Variants in ZNF639 observed in about 807,000 individuals in gnomAD.
The protein encoded by ZNF639 is zinc finger protein 639.
ZNF639 carries 20 observed loss-of-function variants against 39.8 expected under a neutral mutation model. The ratio of observed to expected loss-of-function variants is 0.50; its 90% CI spans 0.35 to 0.73. ZNF639 has a LOEUF of 0.73. ZNF639 is among the 30% of genes least tolerant of loss of function. ZNF639 has a pLI of 0.00. For missense variants in ZNF639, 477 were observed against 566.2 expected (o/e 0.84, Z 1.60); for synonymous variants, 176 against 189.8 (o/e 0.93, Z 0.60).
upstream of ZNF639, chr3:179,322,899 CGCGGGCCGCTGGGCCTCCCCCGGGGCT>C (rs1259110553): frequency 1.5e-5 from 15 of 985,020 alleles, no homozygotes; most frequent in African/African-American, 1.7e-5. Context: ...CGGCAGGGGG[CGCGGGCCGCTGGGCCTCCCCCGGGGCT>C]GCGGGCCGGT....
At position 179,337,410 on chromosome 3, in the gene ZNF639, C is replaced by G. The variant is rs1258959319; in HGVS notation, c.*2988C>G. On this transcript the variant is annotated 3_prime_UTR_variant, in exon 6 of 6. Transcript: ENST00000496856. ...GGAGTGTAGTGGCGTGATCTTGGCT[C>G]AAGGCAACCTCCACCTCTCAGGTGT... The G allele has an allele frequency of 6.6e-5, 10 of 151,060 alleles. No homozygotes were observed. The highest frequency in any genetic ancestry group is 4.6e-4 in the Admixed American group (7 of 15,186). 9.4% of individuals were successfully genotyped at this position (151,060 alleles called of 1,614,324 possible).
rs539872307 is a variant in ZNF639 at position 179,334,980 on chromosome 3, A to G, written c.*558A>G. 1 of 152,342 alleles carries G rather than the reference A, an allele frequency of 6.6e-6. No individual in the cohort carries two copies. Among genetic ancestry groups the G allele is most frequent in the Non-Finnish European group, 1.5e-5 (1 of 68,040 alleles). 9.4% of individuals were successfully genotyped at this position (152,342 alleles called of 1,614,324 possible). A position where few individuals can be genotyped will look rare whatever the true frequency, so the allele number is the denominator to read the frequency against. On this transcript the variant is annotated 3_prime_UTR_variant, in exon 6 of 6. Coordinates refer to ENST00000496856, the MANE Select transcript of ZNF639 (RefSeq NM_001303426.2). ...GCCACTATCTATTGTTGAATATTTT[A>G]AGATGGGATGAGGGAGGAACTAATA... is the stretch of plus-strand genomic sequence containing the variant.
At chr3:179,326,123 G>T (rs1204509181) in intron 1 of ZNF639, among the ~76,000 whole-genome samples, 1 of 152,114 alleles carries the variant, frequency 6.6e-6, no homozygotes, top group Non-Finnish European at 1.5e-5. Flanking sequence ...TTGAGGTCAG[G>T]AGTTCAAGAC....
rs1728037090 is a variant in ZNF639, at chr3:179,333,472, G to A, written c.508G>A (p.Glu170Lys). The A allele has an allele frequency of 6.2e-7, 1 of 1,614,110 alleles. No homozygotes were observed. The highest frequency in any genetic ancestry group is 2.2e-5 in the East Asian group (1 of 44,880). ...GAGTCTCCAAGACCAAACTGATGAA[G>A]AACCGCCAGCTAAACTTTGTAAAAT... ...SESLQDQTDE[E>K]PPAKLCKILD... Residue 170 changes from glutamate to lysine, a missense_variant, in exon 6 of 6, where the codon GAA becomes AAA. Glu to Lys is a moderately conservative substitution (Grantham distance 56, BLOSUM62 1). Transcript: ENST00000496856.
chr3:179,333,402 G>A lies in ZNF639; in HGVS notation c.438G>A (p.Ala146=), dbSNP rs150781110. Residue 146 remains alanine (A), a synonymous_variant, in exon 6 of 6, where the codon GCG becomes GCA. Transcript: ENST00000496856. The part of the protein sequence containing the change: ...EDVPIAVEVH[A]ISEDYDIETE... ...TTCCAATTGCTGTAGAAGTGCATGC[G>A]ATTTCTGAGGATTATGATATAGAGA... 3.5e-5 allele frequency: 57 copies of A among 1,614,046 alleles called. 1 individual carries two copies. The African/African-American group carries it at 6.8e-4, about 19-fold the overall frequency.
Position 179,334,428 on chromosome 3 carries a change from C to A in ZNF639, c.*6C>A. ...CAGTCCATGAGACAACTTGATTATTCTCTTTAACTTACAGAATGTTAGTTT... is the reference window on the plus strand; with the variant it reads ...CAGTCCATGAGACAACTTGATTATTATCTTTAACTTACAGAATGTTAGTTT... On this transcript the variant is annotated 3_prime_UTR_variant, in exon 6 of 6. Coordinates refer to ENST00000496856, the MANE Select transcript of ZNF639 (RefSeq NM_001303426.2). 6.6e-7 allele frequency: 1 copy of A among 1,505,682 alleles called. No individual in the cohort carries two copies. Among genetic ancestry groups the A allele is most frequent in the South Asian group, 1.4e-5 (1 of 71,446 alleles). The allele number at this position is 1,505,682 out of a possible 1,614,324, so 93.3% of individuals were successfully genotyped here. A position where few individuals can be genotyped will look rare whatever the true frequency, so the allele number is the denominator to read the frequency against.
chr3:179,326,881 C>T (rs985051465), intron 1 of ZNF639, among the ~76,000 whole-genome samples: 1 of 151,800 alleles, frequency 6.6e-6, no homozygotes, highest in African/African-American at 2.4e-5. Context: ...TCTATAAGGG[C>T]TGTAACAGTT....
intron 4 of ZNF639, 181 bp downstream of exon 4, chr3:179,329,909 CTTTT>C: frequency 3.9e-4 from 80 of 206,846 alleles, no homozygotes; most frequent in Non-Finnish European, 5.0e-4. Flanking sequence ...TTTAACTATT[CTTTT>C]TTTTTTTTTT....
At chr3:179,327,501 T>C (rs76224523) in intron 1 of ZNF639, 60 bp from the exon 2 acceptor site, 1 of 152,236 alleles carries the variant, frequency 6.6e-6, no homozygotes, top group Non-Finnish European at 1.5e-5. Flanking sequence ...CATTGTATTA[T>C]TCAGTACCAG....
intron 1 of ZNF639, 30 bp from the exon 2 acceptor site, chr3:179,327,531 T>C (rs1560179022): frequency 6.6e-6 from 1 of 152,254 alleles, no homozygotes; most frequent in Non-Finnish European, 1.5e-5. Flanking sequence ...GTATTTTTGC[T>C]TAATAACTTC....
intron 4 of ZNF639, 70 bp from the exon 5 acceptor site, chr3:179,332,919 G>T: frequency 7.0e-7 from 1 of 1,437,788 alleles, no homozygotes; most frequent in East Asian, 2.6e-5. Flanking sequence ...TTTAAAAATT[G>T]ATGCTTTGTT....
At chr3:179,323,678 G>A (rs73043409) in intron 1 of ZNF639, 5,733 of 152,448 alleles carry the variant, frequency 0.038, 337 homozygotes, top group African/African-American at 0.12. Flanking sequence ...CTGCGTCCGG[G>A]CTCGGGACGA....
chr3:179,322,922 G>T, upstream of ZNF639: 4 of 984,962 alleles, frequency 4.1e-6, no homozygotes, highest in Non-Finnish European at 3.6e-6. Context: ...GCCTCCCCCG[G>T]GGCTGCGGGC....
At chr3:179,332,424 G>A (rs1727968271) in intron 4 of ZNF639, among the ~76,000 whole-genome samples, 1 of 152,144 alleles carries the variant, frequency 6.6e-6, no homozygotes. Flanking sequence ...GGAGTTCAAG[G>A]CCAGCCTGGA....
At position 179,336,148 on chromosome 3, in the gene ZNF639, A is replaced by G. The variant is rs368519336; in HGVS notation, c.*1726A>G. 3.9e-5 allele frequency: 6 copies of G among 152,134 alleles called. No individual in the cohort carries two copies. Among genetic ancestry groups the G allele is most frequent in the Admixed American group, 1.3e-4 (2 of 15,266 alleles). 9.4% of individuals were successfully genotyped at this position (152,134 alleles called of 1,614,324 possible). A position where few individuals can be genotyped will look rare whatever the true frequency, so the allele number is the denominator to read the frequency against. On this transcript the variant is annotated 3_prime_UTR_variant, in exon 6 of 6. Coordinates refer to ENST00000496856, the MANE Select transcript of ZNF639 (RefSeq NM_001303426.2). ...ATTGATTGGATTAGGGCCCCTCCCAATGTCCTCCTTTTAACTTAAAGACCT... is the reference window on the plus strand; with the variant it reads ...ATTGATTGGATTAGGGCCCCTCCCAGTGTCCTCCTTTTAACTTAAAGACCT...
chr3:179,329,682 T>G lies in ZNF639; in HGVS notation c.123T>G (p.Ser41Arg). The stretch of plus-strand genomic sequence containing the variant: ...GAATTTTCTCTGATCATTGTTACAG[T>G]GTCTGTTCTATGAGACAGCCAGATT... ...FNGIFSDHCY[S>R]VCSMRQPDLK... The change falls in exon 4 of 6, where the codon AGT becomes AGG. Residue 41 changes from serine to arginine, a missense_variant. By Grantham distance (110) the Ser-to-Arg change is moderately radical. Coordinates refer to ENST00000496856, the MANE Select transcript of ZNF639 (RefSeq NM_001303426.2). 6.2e-7 allele frequency: 1 copy of G among 1,609,554 alleles called. No individual in the cohort carries two copies. The highest frequency in any genetic ancestry group is 8.5e-7 in the Non-Finnish European group (1 of 1,177,894).
intron 4 of ZNF639, among the ~76,000 whole-genome samples, chr3:179,330,428 A>G (rs934722076): frequency 2.0e-5 from 3 of 152,242 alleles, no homozygotes; most frequent in East Asian, 1.9e-4. Flanking sequence ...GACTACAGGC[A>G]TGCACCACGA....
chr3:179,331,775 C>CAAAA (rs56708873), intron 4 of ZNF639, among the ~76,000 whole-genome samples: 17 of 80,522 alleles, frequency 2.1e-4, no homozygotes, highest in East Asian at 7.2e-4. Flanking sequence ...AACTCCATCT[C>CAAAA]AAAAAAAAAA....
intron 4 of ZNF639, 181 bp downstream of exon 4, chr3:179,329,909 CTTTTTTT>C (rs71181282): frequency 0.012 from 2,469 of 208,048 alleles, 22 homozygotes; most frequent in East Asian, 0.023. Context: ...TTTAACTATT[CTTTTTTT>C]TTTTTTTTTT....
Sources: gnomAD v4.1 joint callset for allele counts (sites outside exome capture counted in the v4.1 genomes callset) on GRCh38, gnomAD v4.1.1 for gene constraint, MANE v1.5 for transcripts, NCBI Gene and HGNC (gene_info 2026-07-23, HGNC 2026-07-21) for gene names.